The following KIAA1671 variants were observed in gnomAD, a reference collection of about 807,000 sequenced individuals.
KIAA1671 encodes the protein uncharacterized protein KIAA1671.
Under a neutral mutation model 131.2 loss-of-function variants are expected in KIAA1671, and 52 were observed. That is an observed-to-expected ratio of 0.40 (90% CI 0.32 to 0.50). KIAA1671 has a LOEUF of 0.50. Ranked by LOEUF, KIAA1671 falls within the 20% of genes least tolerant of loss-of-function variation. The pLI is 0.73. For missense variants in KIAA1671, 2,360 were observed against 2,364.2 expected (o/e 1.00, Z 0.04); for synonymous variants, 1,003 against 961.6 (o/e 1.04, Z -0.80).
At chr22:25,133,053 C>CAAA (rs200397060) in intron 6 of KIAA1671, among the ~76,000 whole-genome samples, 1 of 90,470 alleles carries the variant, frequency 1.1e-5, no homozygotes. Context: ...GACTCCATCT[C>CAAA]AAAAAAAAAA....
At chr22:25,071,834 A>T (rs1928847088) in intron 6 of KIAA1671, among the ~76,000 whole-genome samples, 1 of 152,192 alleles carries the variant, frequency 6.6e-6, no homozygotes, top group South Asian at 2.1e-4. Context: ...AGCGCCAGAT[A>T]CTTGGAATAT....
intron 11 of KIAA1671, among the ~76,000 whole-genome samples, chr22:25,188,170 G>A (rs542303066): frequency 4.6e-5 from 7 of 152,200 alleles, no homozygotes; most frequent in African/African-American, 7.2e-5. Context: ...ATGTGGTGGC[G>A]GGCGCCTGTA....
At chr22:25,018,620 A>G (rs1298023882) in intron 1 of KIAA1671, among the ~76,000 whole-genome samples, 1 of 152,162 alleles carries the variant, frequency 6.6e-6, no homozygotes, top group East Asian at 1.9e-4. Flanking sequence ...GAATTTGCCT[A>G]TTCTAAACAC....
intron 4 of KIAA1671, among the ~76,000 whole-genome samples, chr22:25,036,331 C>T (rs1015309263): frequency 2.6e-5 from 4 of 151,988 alleles, no homozygotes; most frequent in Admixed American, 2.0e-4. Context: ...CCACCCGCCT[C>T]GGCCTCCCAA....
At chr22:25,120,718 C>A (rs1444756022) in intron 6 of KIAA1671, among the ~76,000 whole-genome samples, 2 of 152,194 alleles carry the variant, frequency 1.3e-5, no homozygotes, top group Admixed American at 6.5e-5. Flanking sequence ...TTGTCTTTTT[C>A]CCCCCTCTTC....
At chr22:24,963,389 G>C (rs1157984131) in intron 1 of KIAA1671, among the ~76,000 whole-genome samples, 1 of 131,010 alleles carries the variant, frequency 7.6e-6, no homozygotes, top group Non-Finnish European at 1.6e-5. Flanking sequence ...AAAAAAAAAA[G>C]TATCCTGTAT....
intron 1 of KIAA1671, among the ~76,000 whole-genome samples, chr22:24,982,894 G>A (rs201315053): frequency 5.3e-5 from 8 of 152,326 alleles, no homozygotes; most frequent in South Asian, 2.1e-4. Context: ...AGTGGCCTGG[G>A]TGCTGGTTTC....
chr22:24,983,148 A>G (rs939402524), intron 1 of KIAA1671, among the ~76,000 whole-genome samples: 1 of 152,150 alleles, frequency 6.6e-6, no homozygotes, highest in African/African-American at 2.4e-5. Context: ...TTTGAAGAAA[A>G]TGGGGGATGA....
rs567381538 is a variant in KIAA1671 at position 25,171,532 on chromosome 22, C to T, written c.4649+594C>T. ...TTTGAGACCAGCCTGGCCAACATGG[C>T]GAAACCCCATCTCTACTAAAAACGC... is the stretch of plus-strand genomic sequence containing the variant. On this transcript the variant is annotated intron_variant, in intron 7 of 12. Transcript: ENST00000358431. 8.6e-5 allele frequency among the ~76,000 whole-genome samples: 13 copies of T among 151,906 alleles called. 1 individual carries two copies. In the South Asian group the frequency reaches 2.3e-3, roughly 27 times the overall value.
chr22:25,173,973 G>A (rs1419831020), intron 7 of KIAA1671, among the ~76,000 whole-genome samples: 1 of 152,166 alleles, frequency 6.6e-6, no homozygotes, highest in Non-Finnish European at 1.5e-5. Flanking sequence ...CCAGGACAGC[G>A]CAGGGCCAAA....
At chr22:25,001,919 A>G (rs1295364606) in intron 1 of KIAA1671, among the ~76,000 whole-genome samples, 1 of 151,960 alleles carries the variant, frequency 6.6e-6, no homozygotes, top group Non-Finnish European at 1.5e-5. Context: ...TTTATGTTAT[A>G]TAAATATATG....
intron 6 of KIAA1671, among the ~76,000 whole-genome samples, chr22:25,116,217 C>T (rs2145921467): frequency 6.6e-6 from 1 of 152,220 alleles, no homozygotes; most frequent in South Asian, 2.1e-4. Context: ...GGACTACAGG[C>T]ATGTGCCACC....
intron 6 of KIAA1671, among the ~76,000 whole-genome samples, chr22:25,118,219 TC>T (rs1931774780): frequency 6.6e-6 from 1 of 151,828 alleles, no homozygotes; most frequent in African/African-American, 2.4e-5. Flanking sequence ...TCTCACCTCT[TC>T]CAGCTTCTGG....
chr22:25,190,634 C>A, intron 11 of KIAA1671, 68 bp from the exon 12 acceptor site: 1 of 1,348,180 alleles, frequency 7.4e-7, no homozygotes, highest in Non-Finnish European at 1.0e-6. Flanking sequence ...TCGGATACCA[C>A]TCAGTCCTGC....
chr22:25,030,080 A>G (rs5760805), intron 3 of KIAA1671, among the ~76,000 whole-genome samples: 48,356 of 152,152 alleles, frequency 0.32, 8,127 homozygotes, highest in South Asian at 0.46. Context: ...GTTCGTTAAT[A>G]CTGATACTCT....
At chr22:24,999,327 T>A (rs1924310432) in intron 1 of KIAA1671, among the ~76,000 whole-genome samples, 1 of 151,948 alleles carries the variant, frequency 6.6e-6, no homozygotes, top group South Asian at 2.1e-4. Flanking sequence ...CTCAACCTCC[T>A]GGGCTCAATT....
Position 24,956,729 on chromosome 22 carries a change from G to A in KIAA1671, c.-208+3957G>A, listed in dbSNP as rs541513617. Among the ~76,000 whole-genome samples the A allele has an allele frequency of 4.0e-3, 604 of 152,232 alleles. 2 individuals are homozygous for A. Among genetic ancestry groups the A allele is most frequent in the African/African-American group, 0.014 (586 of 41,544 alleles). Reference sequence around the variant, plus strand: ...AAAATACGAAAACAAAAAATTAGCCGGGCGTGGTGGCGGGTGCCTGTAGTC... The same window carrying A: ...AAAATACGAAAACAAAAAATTAGCCAGGCGTGGTGGCGGGTGCCTGTAGTC... On this transcript the variant is annotated intron_variant, in intron 1 of 12. Coordinates refer to ENST00000358431, the MANE Select transcript of KIAA1671 (RefSeq NM_001145206.2).
intron 1 of KIAA1671, chr22:25,023,379 AAAAAT>A (rs1183483930): frequency 6.6e-6 from 1 of 152,160 alleles, no homozygotes; most frequent in Non-Finnish European, 1.5e-5. Flanking sequence ...TATAAAAATA[AAAAAT>A]AAAATAAATA....
At chr22:25,032,573 C>A in intron 3 of KIAA1671, 36 bp from the exon 4 acceptor site, 2 of 1,397,678 alleles carry the variant, frequency 1.4e-6, no homozygotes, top group Non-Finnish European at 2.0e-6. Context: ...ATAACAGCTT[C>A]CAGCTCCATG....
Sources: gnomAD v4.1 joint callset for allele counts (sites outside exome capture counted in the v4.1 genomes callset) on GRCh38, gnomAD v4.1.1 for gene constraint, MANE v1.5 for transcripts, NCBI Gene and HGNC (gene_info 2026-07-23, HGNC 2026-07-21) for gene names.